The following SMARCB1 variants were observed in gnomAD, a reference collection of about 807,000 sequenced individuals.
The protein encoded by SMARCB1 is SWI/SNF-related matrix-associated actin-dependent regulator of chromatin subfamily B member 1.
Under a neutral mutation model 49.0 loss-of-function variants are expected in SMARCB1, and 5 were observed. The ratio of observed to expected loss-of-function variants is 0.10; its 90% CI spans 0.05 to 0.21. The LOEUF (loss-of-function observed/expected upper bound fraction) is 0.21. Ranked by LOEUF, SMARCB1 falls within the 10% of genes least tolerant of loss-of-function variation. The probability of loss-of-function intolerance (pLI) is 1.00; values close to 1 mark genes in which losing one functional copy is unlikely to be tolerated. For synonymous variants in SMARCB1, 201 were observed against 200.1 expected (o/e 1.00, Z -0.04); for missense variants, 226 against 509.2 (o/e 0.44, Z 5.35).
intron 3 of SMARCB1, among the ~76,000 whole-genome samples, chr22:23,794,471 G>GT (rs1262866998): frequency 1.3e-5 from 2 of 151,922 alleles, no homozygotes; most frequent in Non-Finnish European, 2.9e-5. Context: ...GAGGCCAGGA[G>GT]TTTAAGACCA....
At position 23,836,605 on chromosome 22, in the gene SMARCB1, T is replaced by G; in HGVS notation, c.*2425T>G. ...GCCAGGCAACCATGGGCAGTTTCTTTGCCCTCTGTGGGCACCCCTATCCTA... is the reference window on the plus strand; with the variant it reads ...GCCAGGCAACCATGGGCAGTTTCTTGGCCCTCTGTGGGCACCCCTATCCTA... On this transcript the variant is annotated 3_prime_UTR_variant, in exon 9 of 9. Transcript: ENST00000644036. 1 of 1,196,016 alleles carries G rather than the reference T, an allele frequency of 8.4e-7. No individual in the cohort carries two copies. The highest frequency in any genetic ancestry group is 1.0e-6 in the Non-Finnish European group (1 of 967,038). The allele number at this position is 1,196,016 out of a possible 1,614,324, so 74.1% of individuals were successfully genotyped here. A position where few individuals can be genotyped will look rare whatever the true frequency, so the allele number is the denominator to read the frequency against.
chr22:23,826,647 C>T (rs1373693463), intron 7 of SMARCB1, among the ~76,000 whole-genome samples: 1 of 152,198 alleles, frequency 6.6e-6, no homozygotes, highest in Admixed American at 6.5e-5. Flanking sequence ...TAAAATGCTA[C>T]ATGAGGAGCA....
At chr22:23,805,277 G>A (rs1247043707) in intron 5 of SMARCB1, among the ~76,000 whole-genome samples, 3 of 152,156 alleles carry the variant, frequency 2.0e-5, no homozygotes, top group South Asian at 2.1e-4. Flanking sequence ...AAGAGACTCC[G>A]GGAGGTTGTA....
intron 6 of SMARCB1, among the ~76,000 whole-genome samples, chr22:23,819,267 A>C (rs1400975913): frequency 6.6e-6 from 1 of 152,224 alleles, no homozygotes; most frequent in African/African-American, 2.4e-5. Flanking sequence ...TATTGTGAAT[A>C]ATGCTGCTAT....
intron 5 of SMARCB1, among the ~76,000 whole-genome samples, chr22:23,813,543 A>AT (rs1439708325): frequency 6.6e-6 from 1 of 152,228 alleles, no homozygotes; most frequent in Non-Finnish European, 1.5e-5. Context: ...TCATCACTCA[A>AT]TAAAAAAAGG....
At chr22:23,814,179 A>G (rs1930044757) in intron 5 of SMARCB1, among the ~76,000 whole-genome samples, 1 of 152,130 alleles carries the variant, frequency 6.6e-6, no homozygotes, top group Non-Finnish European at 1.5e-5. Flanking sequence ...ACCCAATCTC[A>G]AGGCTTACTA....
intron 4 of SMARCB1, chr22:23,802,430 C>G (rs1568942584): frequency 6.5e-6 from 1 of 152,954 alleles, no homozygotes; most frequent in Non-Finnish European, 1.5e-5. Context: ...CCCTCCCATC[C>G]TACCCCCTCC....
intron 5 of SMARCB1, 132 bp downstream of exon 5, chr22:23,803,554 G>A: frequency 1.0e-6 from 1 of 1,003,856 alleles, no homozygotes; most frequent in Non-Finnish European, 1.5e-6. Context: ...GCATAGTTTT[G>A]GAGGGTGTGG....
At chr22:23,791,733 G>T (rs758700723) in intron 1 of SMARCB1, 23 bp from the exon 2 acceptor site, 38 of 1,612,662 alleles carry the variant, frequency 2.4e-5, no homozygotes, top group Non-Finnish European at 3.1e-5. Flanking sequence ...CCCTTATAAT[G>T]AGCCTTCTTG....
chr22:23,810,218 A>T (rs1488595037), intron 5 of SMARCB1, among the ~76,000 whole-genome samples: 3 of 149,444 alleles, frequency 2.0e-5, no homozygotes, highest in African/African-American at 7.4e-5. Context: ...ACCTTCCCTA[A>T]AAGAGTGGCT....
rs977795314 is a variant in SMARCB1, at chr22:23,796,889, C to T, written c.362+3201C>T. Among the ~76,000 whole-genome samples the T allele has an allele frequency of 2.6e-5, 4 of 152,146 alleles. No homozygotes were observed. In the East Asian group the frequency reaches 7.7e-4, roughly 29 times the overall value. ...CTGGCTCCACACTACTCAGTCAGCCCAATAAGGGGACTTATGGCACCCTCC... is the reference window on the plus strand; with the variant it reads ...CTGGCTCCACACTACTCAGTCAGCCTAATAAGGGGACTTATGGCACCCTCC... On this transcript the variant is annotated intron_variant, in intron 3 of 8. Transcript: ENST00000644036.
intron 1 of SMARCB1, among the ~76,000 whole-genome samples, chr22:23,789,529 G>A (rs1006104718): frequency 3.3e-5 from 5 of 152,148 alleles, no homozygotes; most frequent in South Asian, 2.1e-4. Context: ...CCTTGCTGTC[G>A]TGTTTCTCAT....
At chr22:23,811,036 C>CAAAAAAAAAAA (rs56238275) in intron 5 of SMARCB1, among the ~76,000 whole-genome samples, 1 of 131,576 alleles carries the variant, frequency 7.6e-6, no homozygotes, top group Non-Finnish European at 1.6e-5. Flanking sequence ...GACTGTGTCT[C>CAAAAAAAAAAA]AAAAAAAAAA....
At chr22:23,822,887 C>T (rs1414287080) in intron 6 of SMARCB1, among the ~76,000 whole-genome samples, 1 of 151,014 alleles carries the variant, frequency 6.6e-6, no homozygotes, top group African/African-American at 2.4e-5. Context: ...CCCTGGCACT[C>T]CCGTGCTTTC....
intron 3 of SMARCB1, among the ~76,000 whole-genome samples, chr22:23,797,577 T>TG (rs1412952007): frequency 3.0e-5 from 4 of 133,244 alleles, no homozygotes; most frequent in African/African-American, 1.1e-4. Context: ...CCCAAAGTGC[T>TG]GGGATTACAG....
At chr22:23,788,120 C>T (rs1928129280) in intron 1 of SMARCB1, among the ~76,000 whole-genome samples, 1 of 151,380 alleles carries the variant, frequency 6.6e-6, no homozygotes, top group African/African-American at 2.4e-5. Context: ...GCAGTCTGCC[C>T]GTCTGGGTCT....
Position 23,837,606 on chromosome 22 carries a change from G to T in SMARCB1, c.*3426G>T. ...AGGGGCCCCAGGGCATAAGCAGCGT[G>T]TCCTGAGGGGAGTGGCCAGCCTGGG... On this transcript the variant is annotated 3_prime_UTR_variant, in exon 9 of 9. Transcript: ENST00000644036. 2 of 1,572,236 alleles carry T rather than the reference G, an allele frequency of 1.3e-6. No homozygotes were observed. Among genetic ancestry groups the T allele is most frequent in the South Asian group, 1.2e-5 (1 of 86,076 alleles).
chr22:23,790,290 A>G (rs1012050647), intron 1 of SMARCB1, among the ~76,000 whole-genome samples: 1 of 152,198 alleles, frequency 6.6e-6, no homozygotes, highest in African/African-American at 2.4e-5. Flanking sequence ...GCCAAATAAC[A>G]TAGAGGGGTC....
At chr22:23,800,299 A>G (rs34642556) in intron 3 of SMARCB1, among the ~76,000 whole-genome samples, 6,961 of 152,298 alleles carry the variant, frequency 0.046, 514 homozygotes, top group African/African-American at 0.16. Flanking sequence ...CTTGGATGTC[A>G]CCTCTGGAAG....
Sources: allele counts gnomAD v4.1 joint callset (sites outside exome capture counted in the v4.1 genomes callset), GRCh38; gene constraint gnomAD v4.1.1; transcripts MANE v1.5; gene names NCBI Gene and HGNC (gene_info 2026-07-23, HGNC 2026-07-21).